The following NCALD variants were observed in gnomAD, a reference collection of about 807,000 sequenced individuals.
NCALD encodes neurocalcin delta, also known as neurocalcin-delta.
NCALD carries 10 observed loss-of-function variants against 18.6 expected under a neutral mutation model. That is an observed-to-expected ratio of 0.54 (90% CI 0.33 to 0.91). The LOEUF is 0.91. NCALD is among the 40% of genes least tolerant of loss of function. NCALD has a pLI of 0.03. For missense variants in NCALD, 184 were observed against 247.6 expected, an observed-to-expected ratio of 0.74 and a Z score of 1.72; for synonymous variants, 88 against 87.4, an observed-to-expected ratio of 1.01 and a Z score of -0.04.
At chr8:101,967,756 G>A (rs529302455) in intron 2 of NCALD, among the ~76,000 whole-genome samples, 3 of 152,078 alleles carry the variant, frequency 2.0e-5, no homozygotes, top group South Asian at 4.2e-4. Flanking sequence ...CTTCTCTCCC[G>A]GCCTCACTCT....
At chr8:101,887,068 A>G (rs920776790) in intron 4 of NCALD, 22 of 152,304 alleles carry the variant, frequency 1.4e-4, no homozygotes, top group Non-Finnish European at 2.8e-4. Context: ...AAACCTACCT[A>G]GGATACAGCT....
At chr8:101,893,937 C>T (rs1341952195) in intron 3 of NCALD, among the ~76,000 whole-genome samples, 3 of 146,714 alleles carry the variant, frequency 2.0e-5, no homozygotes, top group African/African-American at 8.2e-5. Flanking sequence ...ACCCCACTGT[C>T]AACATTAGAC....
intron 4 of NCALD, among the ~76,000 whole-genome samples, chr8:101,855,248 A>T (rs1051536185): frequency 7.9e-5 from 12 of 152,270 alleles, no homozygotes; most frequent in African/African-American, 2.6e-4. Context: ...TCCCCTTGCT[A>T]TTGGATAGGA....
intron 4 of NCALD, among the ~76,000 whole-genome samples, chr8:101,827,653 T>C (rs943539601): frequency 1.6e-4 from 24 of 152,376 alleles, no homozygotes; most frequent in Admixed American, 1.4e-3. Flanking sequence ...TGCTATGTGA[T>C]GGTTCCAAGT....
At chr8:102,008,260 C>T (rs1191750164) in intron 2 of NCALD, among the ~76,000 whole-genome samples, 4 of 152,114 alleles carry the variant, frequency 2.6e-5, no homozygotes, top group Non-Finnish European at 4.4e-5. Flanking sequence ...AGCAAGCAGA[C>T]AATTCCCAAA....
chr8:102,074,473 G>C (rs539363635), intron 1 of NCALD, among the ~76,000 whole-genome samples: 1 of 152,212 alleles, frequency 6.6e-6, no homozygotes, highest in East Asian at 1.9e-4. Context: ...CCTGACATTG[G>C]TGTGACAGCT....
chr8:101,808,250 T>C (rs1192446375), intron 4 of NCALD, among the ~76,000 whole-genome samples: 1 of 152,146 alleles, frequency 6.6e-6, no homozygotes, highest in Non-Finnish European at 1.5e-5. Flanking sequence ...TTGAATACTT[T>C]CCAGTAACAG....
At chr8:102,033,231 C>G (rs1364355383) in intron 1 of NCALD, among the ~76,000 whole-genome samples, 3 of 152,142 alleles carry the variant, frequency 2.0e-5, no homozygotes, top group Non-Finnish European at 4.4e-5. Flanking sequence ...GCCATATACT[C>G]CATCATCCAG....
intron 1 of NCALD, among the ~76,000 whole-genome samples, chr8:102,029,576 G>A (rs543051182): frequency 6.6e-6 from 1 of 152,296 alleles, no homozygotes; most frequent in African/African-American, 2.4e-5. Flanking sequence ...GCTGGGCCAA[G>A]TATTATTTCT....
intron 1 of NCALD, among the ~76,000 whole-genome samples, chr8:101,786,584 A>G (rs964925266): frequency 2.6e-5 from 4 of 152,230 alleles, no homozygotes; most frequent in African/African-American, 9.6e-5. Flanking sequence ...GCAGATAGCC[A>G]AAGAACACAA....
chr8:101,968,492 G>A (rs967404871), intron 2 of NCALD, among the ~76,000 whole-genome samples: 4 of 152,156 alleles, frequency 2.6e-5, no homozygotes, highest in African/African-American at 9.7e-5. Context: ...ATCTCTTTGA[G>A]GTCAGTGTTT....
intron 1 of NCALD, among the ~76,000 whole-genome samples, chr8:101,787,253 C>G (rs1165794633): frequency 6.6e-6 from 1 of 152,146 alleles, no homozygotes; most frequent in Non-Finnish European, 1.5e-5. Context: ...TTCCAAGTTT[C>G]TTTATCAAGT....
chr8:101,950,341 A>G (rs982120975), intron 2 of NCALD: 2 of 151,818 alleles, frequency 1.3e-5, no homozygotes, highest in Non-Finnish European at 2.9e-5. Flanking sequence ...TGGCTCAGGA[A>G]TTAGCAGGAC....
chr8:101,923,176 C>T (rs571693135), intron 2 of NCALD, among the ~76,000 whole-genome samples: 2 of 152,324 alleles, frequency 1.3e-5, no homozygotes, highest in African/African-American at 4.8e-5. Flanking sequence ...CAGACAGCAG[C>T]CCTCACCAGA....
chr8:101,696,785 G>A (rs1048640505), intron 2 of NCALD, among the ~76,000 whole-genome samples: 3 of 152,048 alleles, frequency 2.0e-5, no homozygotes, highest in African/African-American at 4.8e-5. Flanking sequence ...GAATCTCTGG[G>A]AGACAGCTAA....
chr8:102,024,013 T>C (rs748048312), intron 1 of NCALD, among the ~76,000 whole-genome samples: 1 of 152,206 alleles, frequency 6.6e-6, no homozygotes, highest in Non-Finnish European at 1.5e-5. Flanking sequence ...ATGAAAATAT[T>C]ACAATTGGAT....
At chr8:102,060,128 G>A (rs540578428) in intron 1 of NCALD, among the ~76,000 whole-genome samples, 2 of 152,130 alleles carry the variant, frequency 1.3e-5, no homozygotes, top group Non-Finnish European at 2.9e-5. Context: ...CTACAGGCAT[G>A]TGCCACCATG....
chr8:101,902,726 CT>C (rs562696394), intron 3 of NCALD, among the ~76,000 whole-genome samples: 1 of 152,150 alleles, frequency 6.6e-6, no homozygotes, highest in African/African-American at 2.4e-5. Flanking sequence ...GATGCCATGG[CT>C]TTTTTTACTT....
At chr8:102,029,931 G>A (rs753340208) in intron 1 of NCALD, among the ~76,000 whole-genome samples, 9 of 152,064 alleles carry the variant, frequency 5.9e-5, no homozygotes, top group Admixed American at 3.3e-4. Context: ...GAAAATTTCA[G>A]GGGAAAATGT....
Sources: allele counts gnomAD v4.1 joint callset (sites outside exome capture counted in the v4.1 genomes callset), GRCh38; gene constraint gnomAD v4.1.1; transcripts MANE v1.5; gene names NCBI Gene and HGNC (gene_info 2026-07-23, HGNC 2026-07-21).